The following PRKCE variants were observed in gnomAD, a reference collection of about 807,000 sequenced individuals.
PRKCE encodes protein kinase C epsilon, also known as protein kinase C epsilon type.
PRKCE carries 16 observed loss-of-function variants against 85.4 expected under a neutral mutation model. The observed-to-expected ratio is 0.19, with a 90% CI of 0.13 to 0.28. The LOEUF (loss-of-function observed/expected upper bound fraction) is 0.28. PRKCE is among the 10% of genes least tolerant of loss of function. The probability of loss-of-function intolerance (pLI) is 1.00; values close to 1 mark genes in which losing one functional copy is unlikely to be tolerated. For missense variants in PRKCE, 573 were observed against 975.2 expected (o/e 0.59, Z 5.49); for synonymous variants, 388 against 371.5 (o/e 1.04, Z -0.51).
chr2:45,942,455 G>C (rs948298837), intron 2 of PRKCE, among the ~76,000 whole-genome samples: 4 of 152,168 alleles, frequency 2.6e-5, no homozygotes, highest in African/African-American at 9.7e-5. Context: ...TCTTGTAAAT[G>C]TTATTATAAT....
At chr2:46,177,433 T>G (rs1392508433) in intron 14 of PRKCE, among the ~76,000 whole-genome samples, 1 of 152,228 alleles carries the variant, frequency 6.6e-6, no homozygotes, top group African/African-American at 2.4e-5. Flanking sequence ...TGGCAGGGTC[T>G]TGCTCCCTCT....
intron 2 of PRKCE, among the ~76,000 whole-genome samples, chr2:45,927,715 C>T (rs903491608): frequency 2.0e-5 from 3 of 152,230 alleles, no homozygotes; most frequent in African/African-American, 7.2e-5. Flanking sequence ...GATACTCTCT[C>T]CTGCAGTGGA....
chr2:46,083,326 A>G (rs1333031999), intron 10 of PRKCE, among the ~76,000 whole-genome samples: 1 of 152,202 alleles, frequency 6.6e-6, no homozygotes, highest in Non-Finnish European at 1.5e-5. Context: ...GCAGCCAGTG[A>G]GTGATAAAAC....
intron 6 of PRKCE, among the ~76,000 whole-genome samples, chr2:45,990,513 C>T (rs898500023): frequency 3.9e-5 from 6 of 152,200 alleles, no homozygotes; most frequent in Admixed American, 2.0e-4. Context: ...ACATCCCCTT[C>T]GCCTCCTCAC....
intron 2 of PRKCE, among the ~76,000 whole-genome samples, chr2:45,958,975 C>T (rs1574027867): frequency 6.6e-6 from 1 of 150,436 alleles, no homozygotes; most frequent in Non-Finnish European, 1.5e-5. Flanking sequence ...GAAAGAGCCA[C>T]GTCAGGGGTC....
At chr2:46,099,111 T>G (rs1172765315) in intron 11 of PRKCE, among the ~76,000 whole-genome samples, 1 of 152,188 alleles carries the variant, frequency 6.6e-6, no homozygotes, top group Non-Finnish European at 1.5e-5. Context: ...CAATTCATTC[T>G]GGTAAGCAAG....
intron 11 of PRKCE, among the ~76,000 whole-genome samples, chr2:46,087,818 C>T (rs1669787735): frequency 6.6e-6 from 1 of 152,208 alleles, no homozygotes; most frequent in South Asian, 2.1e-4. Flanking sequence ...ATCTTTCAAG[C>T]TCATGTGCTT....
intron 10 of PRKCE, among the ~76,000 whole-genome samples, chr2:46,075,898 C>T (rs546234992): frequency 9.2e-5 from 14 of 152,292 alleles, no homozygotes; most frequent in African/African-American, 2.9e-4. Context: ...TTCCTGAAGC[C>T]GTCCAGCTTT....
chr2:45,995,077 TG>T (rs1704108954), intron 6 of PRKCE, among the ~76,000 whole-genome samples: 1 of 152,244 alleles, frequency 6.6e-6, no homozygotes, highest in African/African-American at 2.4e-5. Flanking sequence ...ATTTACCATC[TG>T]AATATCTTCT....
At chr2:45,723,668 G>T (rs958116749) in intron 1 of PRKCE, among the ~76,000 whole-genome samples, 3 of 152,088 alleles carry the variant, frequency 2.0e-5, no homozygotes, top group African/African-American at 7.2e-5. Context: ...GCAGTGGCGC[G>T]ATCTCGGCTC....
At chr2:45,952,335 A>G (rs957243161) in intron 2 of PRKCE, among the ~76,000 whole-genome samples, 1 of 152,224 alleles carries the variant, frequency 6.6e-6, no homozygotes, top group Non-Finnish European at 1.5e-5. Flanking sequence ...GGGCCTCGCA[A>G]GCGTACATAA....
At chr2:45,811,910 C>T (rs1688677616) in intron 1 of PRKCE, among the ~76,000 whole-genome samples, 1 of 152,182 alleles carries the variant, frequency 6.6e-6, no homozygotes, top group Non-Finnish European at 1.5e-5. Flanking sequence ...TCCATGCGTA[C>T]ACACAGACAC....
At chr2:46,031,680 T>C (rs569382386) in intron 10 of PRKCE, among the ~76,000 whole-genome samples, 2 of 150,874 alleles carry the variant, frequency 1.3e-5, no homozygotes, top group Admixed American at 6.6e-5. Flanking sequence ...TAAATGCTCA[T>C]GCATCCTGTG....
intron 2 of PRKCE, among the ~76,000 whole-genome samples, chr2:45,849,739 A>G (rs1213683419): frequency 2.8e-4 from 42 of 152,120 alleles, no homozygotes; most frequent in Non-Finnish European, 7.4e-5. Context: ...CAAAATCCAG[A>G]TGTTCAACAA....
chr2:46,178,454 G>C (rs1679653135), intron 14 of PRKCE, among the ~76,000 whole-genome samples: 1 of 152,222 alleles, frequency 6.6e-6, no homozygotes, highest in Non-Finnish European at 1.5e-5. Flanking sequence ...TTTTTAACTT[G>C]AGAGTTAGAT....
chr2:45,858,622 G>A (rs1025786395), intron 2 of PRKCE, among the ~76,000 whole-genome samples: 15 of 152,068 alleles, frequency 9.9e-5, no homozygotes, highest in African/African-American at 3.6e-4. Context: ...CCCCAATGGG[G>A]GAAAGATTTT....
At chr2:45,963,767 C>T (rs531181662) in intron 2 of PRKCE, among the ~76,000 whole-genome samples, 3 of 152,314 alleles carry the variant, frequency 2.0e-5, no homozygotes, top group East Asian at 1.9e-4. Context: ...GGCGCCCTGC[C>T]GGGACTCCAG....
intron 1 of PRKCE, among the ~76,000 whole-genome samples, chr2:45,751,059 C>T (rs572729818): frequency 2.0e-5 from 3 of 152,308 alleles, no homozygotes; most frequent in South Asian, 2.1e-4. Flanking sequence ...TGCCTGCTAC[C>T]GCTCTGGACC....
intron 2 of PRKCE, among the ~76,000 whole-genome samples, chr2:45,867,037 G>A (rs1693672358): frequency 6.6e-6 from 1 of 152,208 alleles, no homozygotes; most frequent in Non-Finnish European, 1.5e-5. Flanking sequence ...CCTTAGGGGT[G>A]GGGTCCAGGC....
Sources: gnomAD v4.1 joint callset for allele counts (sites outside exome capture counted in the v4.1 genomes callset) on GRCh38, gnomAD v4.1.1 for gene constraint, MANE v1.5 for transcripts, NCBI Gene and HGNC (gene_info 2026-07-23, HGNC 2026-07-21) for gene names.